The following PPIH variants were observed in gnomAD, a reference collection of about 807,000 sequenced individuals.
PPIH encodes the protein peptidylprolyl isomerase H, also known as peptidyl-prolyl cis-trans isomerase H.
PPIH carries 16 observed loss-of-function variants against 27.6 expected under a neutral mutation model. The observed-to-expected ratio is 0.58, with a 90% CI of 0.39 to 0.88. The LOEUF (loss-of-function observed/expected upper bound fraction) is 0.88, where lower values mean the gene tolerates loss of function less well. Among genes scored for constraint, PPIH ranks in the 40% least tolerant of loss-of-function variants. The pLI is 0.00. For synonymous variants in PPIH, 63 were observed against 76.1 expected (o/e 0.83, Z 0.90); for missense variants, 155 against 224.1 (o/e 0.69, Z 1.97).
At position 42,666,582 on chromosome 1, in the gene PPIH, AT is replaced by A. The variant is rs750221177; in HGVS notation, c.462del (p.Ile154MetfsTer17). 1 of 1,613,816 alleles carries A rather than the reference AT, an allele frequency of 6.2e-7. No individual in the cohort carries two copies. The highest frequency in any genetic ancestry group is 1.1e-5 in the South Asian group (1 of 91,076). On this transcript the variant is annotated frameshift_variant, in exon 8 of 10. Transcript: ENST00000304979. LOFTEE classifies it high-confidence loss of function. The part of the protein sequence containing the change: ...IIDGLLVMRK[I>X]ENVPTGPNNK... ...CGATGGACTTCTAGTGATGAGAAAG[AT>A]TGAGGTAAGTACTGCTTTGATTTTT...
At chr1:42,660,175 A>G (rs1478389836) in intron 4 of PPIH, among the ~76,000 whole-genome samples, 1 of 152,198 alleles carries the variant, frequency 6.6e-6, no homozygotes, top group Non-Finnish European at 1.5e-5. Context: ...ACAGTTGTTA[A>G]GCCCTTACAT....
At chr1:42,678,006 A>G (rs539814259), downstream of PPIH, among the ~76,000 whole-genome samples, 1 of 152,348 alleles carries the variant, frequency 6.6e-6, no homozygotes, top group African/African-American at 2.4e-5. Context: ...GAACTTGGTT[A>G]AAAGTGTTGT....
At position 42,659,573 on chromosome 1, in the gene PPIH, C is replaced by T; in HGVS notation, c.200+7C>T. On this transcript the variant is annotated splice_region_variant and intron_variant, in intron 4 of 9. Coordinates refer to ENST00000304979, the MANE Select transcript of PPIH (RefSeq NM_006347.4). ...AAGGAAGCACCTTCCACAGGTAAGG[C>T]TCTTGGCAAGCCATCCTGGAGTCTT... is the stretch of plus-strand genomic sequence containing the variant. 2 of 1,612,306 alleles carry T rather than the reference C, an allele frequency of 1.2e-6. No homozygotes were observed. Among genetic ancestry groups the T allele is most frequent in the Non-Finnish European group, 1.7e-6 (2 of 1,179,644 alleles).
intron 5 of PPIH, among the ~76,000 whole-genome samples, chr1:42,663,464 T>C (rs1426914495): frequency 6.6e-6 from 1 of 152,148 alleles, no homozygotes; most frequent in Non-Finnish European, 1.5e-5. Flanking sequence ...TGGTGCGATC[T>C]TGGCTTACTG....
chr1:42,662,920 TTA>T (rs1649121929), intron 5 of PPIH, among the ~76,000 whole-genome samples: 1 of 152,242 alleles, frequency 6.6e-6, no homozygotes, highest in African/African-American at 2.4e-5. Context: ...TCCCTTGTCG[TTA>T]TGTCTTCTAA....
chr1:42,672,130 G>A lies in PPIH; in HGVS notation c.*22-4454G>A, dbSNP rs571509894. Among the ~76,000 whole-genome samples the A allele has an allele frequency of 7.9e-5, 12 of 152,058 alleles. No homozygotes were observed. In the South Asian group the frequency reaches 2.1e-3, roughly 26 times the overall value. On this transcript the variant is annotated intron_variant, in intron 9 of 9. Transcript: ENST00000304979. ...AAACTCCTGACCTCATGATCCATCC[G>A]CCTCGGACTCCCAAAGTGCTGGGAT...
At chr1:42,677,421 G>A (rs757961851), downstream of PPIH, among the ~76,000 whole-genome samples, 4 of 152,134 alleles carry the variant, frequency 2.6e-5, no homozygotes, top group Non-Finnish European at 5.9e-5. Flanking sequence ...GCAGTGAGCC[G>A]AGATCGCGCC....
intron 1 of PPIH, 108 bp downstream of exon 1, chr1:42,658,620 A>C (rs1322428538): frequency 1.5e-6 from 2 of 1,337,690 alleles, no homozygotes; most frequent in African/African-American, 2.9e-5. Flanking sequence ...CCAGAAAGTG[A>C]AATTGCACCC....
intron 6 of PPIH, 100 bp downstream of exon 6, chr1:42,665,055 C>A: frequency 1.0e-6 from 1 of 991,338 alleles, no homozygotes; most frequent in East Asian, 2.5e-5. Flanking sequence ...AAATGCTTTC[C>A]TTCTCTTGCT....
At chr1:42,679,260 G>C (rs1296369789), downstream of PPIH, among the ~76,000 whole-genome samples, 2 of 152,216 alleles carry the variant, frequency 1.3e-5, no homozygotes, top group African/African-American at 4.8e-5. Context: ...CACAATCTCA[G>C]CTCACTGTAA....
downstream of PPIH, among the ~76,000 whole-genome samples, chr1:42,679,565 T>C (rs1557524699): frequency 6.6e-6 from 1 of 152,242 alleles, no homozygotes; most frequent in Non-Finnish European, 1.5e-5. Flanking sequence ...GAGTAAGTAA[T>C]GATACTTTTT....
chr1:42,666,873 T>C (rs74068492), intron 8 of PPIH, among the ~76,000 whole-genome samples: 6,575 of 152,266 alleles, frequency 0.043, 194 homozygotes, highest in African/African-American at 0.071. Flanking sequence ...TCTTCTGCCA[T>C]TGCCTCTTCC....
chr1:42,676,400 G>A (rs973598966), intron 9 of PPIH, among the ~76,000 whole-genome samples, 184 bp from the exon 10 acceptor site: 9 of 152,050 alleles, frequency 5.9e-5, no homozygotes, highest in Non-Finnish European at 1.0e-4. Context: ...CCCGGGAGGC[G>A]GAGGTGGCAG....
At chr1:42,670,240 GT>G (rs1406208318) in intron 9 of PPIH, among the ~76,000 whole-genome samples, 2 of 152,064 alleles carry the variant, frequency 1.3e-5, no homozygotes, top group African/African-American at 4.8e-5. Context: ...CCAATACTGG[GT>G]CCCCCTTGGG....
At chr1:42,679,818 G>C (rs1426833939), downstream of PPIH, among the ~76,000 whole-genome samples, 2 of 152,208 alleles carry the variant, frequency 1.3e-5, no homozygotes, top group African/African-American at 4.8e-5. Flanking sequence ...TCTGGAGCTG[G>C]AACACATGAA....
chr1:42,673,724 G>A (rs539327172), intron 9 of PPIH, among the ~76,000 whole-genome samples: 4 of 152,300 alleles, frequency 2.6e-5, no homozygotes, highest in Admixed American at 2.6e-4. Context: ...TGGGATGACT[G>A]TCTTTTATTT....
intron 6 of PPIH, 50 bp from the exon 7 acceptor site, chr1:42,665,930 A>G (rs1157754168): frequency 3.4e-6 from 5 of 1,492,034 alleles, no homozygotes; most frequent in Middle Eastern, 1.7e-4. Context: ...CTTGCCCTTC[A>G]GCTAACATGG....
At position 42,664,880 on chromosome 1, in the gene PPIH, C is replaced by T. The variant is rs144660873; in HGVS notation, c.261C>T (p.Val87=). Residue 87 remains valine (V), a synonymous_variant, in exon 6 of 10, where the codon GTC becomes GTT. Transcript: ENST00000304979. ...GDFVNGDGTG[V]ASIYRGPFAD... is the part of the protein sequence containing the mutation. ...CTGCTCAGGGAGATGGTACTGGAGT[C>T]GCCAGTATTTACCGGGGGCCATTTG... 6.2e-6 allele frequency: 10 copies of T among 1,613,474 alleles called. No homozygotes were observed. The highest frequency in any genetic ancestry group is 1.6e-4 in the Middle Eastern group (1 of 6,062).
At chr1:42,658,804 T>G in intron 1 of PPIH, 40 bp from the exon 2 acceptor site, 5 of 1,609,422 alleles carry the variant, frequency 3.1e-6, no homozygotes, top group Non-Finnish European at 4.3e-6. Flanking sequence ...GCCCTCATGG[T>G]CTTGGACTGG....
Sources: allele counts gnomAD v4.1 joint callset (sites outside exome capture counted in the v4.1 genomes callset), GRCh38; gene constraint gnomAD v4.1.1; transcripts MANE v1.5; gene names NCBI Gene and HGNC (gene_info 2026-07-23, HGNC 2026-07-21).